The following CAMK4 variants were observed in gnomAD, a reference collection of about 807,000 sequenced individuals.
The protein encoded by CAMK4 is calcium/calmodulin-dependent protein kinase type IV.
In CAMK4, 22 loss-of-function variants were observed where a neutral mutation model predicts 44.9. The ratio of observed to expected loss-of-function variants is 0.49; its 90% CI spans 0.35 to 0.70. The LOEUF is 0.70. CAMK4 is among the 30% of genes least tolerant of loss of function. The pLI is 0.01. For missense variants in CAMK4, 498 were observed against 586.8 expected (o/e 0.85, Z 1.56); for synonymous variants, 218 against 215.4 (o/e 1.01, Z -0.11).
intron 1 of CAMK4, among the ~76,000 whole-genome samples, chr5:111,326,984 T>C (rs1221347841): frequency 6.6e-6 from 1 of 151,942 alleles, no homozygotes; most frequent in Non-Finnish European, 1.5e-5. Flanking sequence ...AGCTGAGTGC[T>C]TTCTAAGAAA....
In CAMK4 at chr5:111,461,327, C is replaced by A. The variant is rs115337843; in HGVS notation, c.626-11984C>A. 2.4e-3 allele frequency among the ~76,000 whole-genome samples: 364 copies of A among 152,300 alleles called. 1 individual carries two copies. The highest frequency in any genetic ancestry group is 5.4e-3 in the African/African-American group (223 of 41,558). ...GGCAGCTTCTAGCCAGAGGCAACCC[C>A]CTCTGGAAGTCTCAGGTGTGATTCA... On this transcript the variant is annotated intron_variant, in intron 7 of 10. Coordinates refer to ENST00000282356, the MANE Select transcript of CAMK4 (RefSeq NM_001744.6).
intron 5 of CAMK4, among the ~76,000 whole-genome samples, chr5:111,409,196 A>G (rs1441871223): frequency 6.6e-6 from 1 of 152,200 alleles, no homozygotes; most frequent in Non-Finnish European, 1.5e-5. Context: ...CGTTCCCTGC[A>G]GCATACTTCT....
chr5:111,401,297 C>T (rs1453302742), intron 5 of CAMK4, among the ~76,000 whole-genome samples: 1 of 152,174 alleles, frequency 6.6e-6, no homozygotes, highest in African/African-American at 2.4e-5. Context: ...CGACACCATG[C>T]CTGGCTAATT....
At chr5:111,266,114 C>A (rs189209009) in intron 1 of CAMK4, 1 of 151,818 alleles carries the variant, frequency 6.6e-6, no homozygotes, top group East Asian at 1.9e-4. Flanking sequence ...AATTAGCAAT[C>A]TTTTCTGAGA....
chr5:111,406,900 C>T (rs1023097477), intron 5 of CAMK4, among the ~76,000 whole-genome samples: 1 of 152,202 alleles, frequency 6.6e-6, no homozygotes, highest in East Asian at 1.9e-4. Flanking sequence ...CCTGCCTCTT[C>T]TTTGATATCC....
intron 2 of CAMK4, among the ~76,000 whole-genome samples, chr5:111,354,246 C>G (rs975815398): frequency 8.6e-5 from 13 of 151,896 alleles, no homozygotes; most frequent in African/African-American, 3.1e-4. Context: ...AAAAGTTGAA[C>G]TCAGAGAGAG....
intron 1 of CAMK4, among the ~76,000 whole-genome samples, chr5:111,258,022 A>AG (rs1268434896): frequency 3.9e-5 from 6 of 152,084 alleles, no homozygotes; most frequent in Non-Finnish European, 5.9e-5. Flanking sequence ...GTGTCGGGGG[A>AG]GGGAGAGTAT....
chr5:111,405,294 C>G (rs1391410312), intron 5 of CAMK4, among the ~76,000 whole-genome samples: 1 of 152,054 alleles, frequency 6.6e-6, no homozygotes, highest in African/African-American at 2.4e-5. Flanking sequence ...GTGGTGAAAC[C>G]CCATCTCTAC....
chr5:111,424,106 A>ACTACTATGCCCTG (rs1209205975), intron 5 of CAMK4, among the ~76,000 whole-genome samples: 32 of 152,216 alleles, frequency 2.1e-4, no homozygotes, highest in Non-Finnish European at 4.1e-4. Context: ...CCTGCTATAG[A>ACTACTATGCCCTG]CTATATTGGG....
At chr5:111,335,054 G>T (rs117206372) in intron 1 of CAMK4, among the ~76,000 whole-genome samples, 1 of 151,390 alleles carries the variant, frequency 6.6e-6, no homozygotes, top group Admixed American at 6.6e-5. Flanking sequence ...CAGCTGGAGC[G>T]GAGAAACATG....
intron 7 of CAMK4, among the ~76,000 whole-genome samples, chr5:111,451,893 G>C (rs1020434579): frequency 3.9e-5 from 6 of 152,064 alleles, no homozygotes; most frequent in African/African-American, 1.4e-4. Flanking sequence ...AAGGAAACCT[G>C]GTCTCAGGGA....
In CAMK4 at chr5:111,490,029, T is replaced by C. The variant is rs1007768396; in HGVS notation, c.*5563T>C. On this transcript the variant is annotated 3_prime_UTR_variant, in exon 11 of 11. Transcript: ENST00000282356. ...AGTTGTTTTCAGCTCATTTTGAAGA[T>C]TGACCTGGAAAACATATAGATACAG... 6.6e-6 allele frequency: 1 copy of C among 152,238 alleles called. No homozygotes were observed. Among genetic ancestry groups the C allele is most frequent in the Non-Finnish European group, 1.5e-5 (1 of 68,030 alleles). The allele number at this position is 152,238 out of a possible 1,614,324, so 9.4% of individuals were successfully genotyped here.
At chr5:111,349,608 A>G (rs924480021) in intron 2 of CAMK4, among the ~76,000 whole-genome samples, 2 of 152,042 alleles carry the variant, frequency 1.3e-5, no homozygotes, top group Admixed American at 1.3e-4. Flanking sequence ...CTGCTGAGTT[A>G]AATAGAATGC....
chr5:111,443,651 AC>A (rs1753926694), intron 5 of CAMK4, among the ~76,000 whole-genome samples: 1 of 151,968 alleles, frequency 6.6e-6, no homozygotes, highest in Non-Finnish European at 1.5e-5. Flanking sequence ...GAACGCAACC[AC>A]CTTTTCGTTT....
chr5:111,371,704 T>C (rs1253054405), intron 2 of CAMK4, among the ~76,000 whole-genome samples: 1 of 152,230 alleles, frequency 6.6e-6, no homozygotes, highest in Non-Finnish European at 1.5e-5. Context: ...CTATTTAATA[T>C]TCTCCGATTT....
chr5:111,465,829 A>T (rs1037599627), intron 7 of CAMK4, among the ~76,000 whole-genome samples: 1 of 152,232 alleles, frequency 6.6e-6, no homozygotes, highest in Non-Finnish European at 1.5e-5. Context: ...ATAAAGAGGG[A>T]ATCCTCCCTA....
At chr5:111,294,510 T>C (rs1000489637) in intron 1 of CAMK4, among the ~76,000 whole-genome samples, 2 of 152,174 alleles carry the variant, frequency 1.3e-5, no homozygotes, top group East Asian at 3.9e-4. Flanking sequence ...CCACAAATAT[T>C]CTCTTAAATT....
chr5:111,260,711 T>C (rs1313752717), intron 1 of CAMK4, among the ~76,000 whole-genome samples: 2 of 152,184 alleles, frequency 1.3e-5, no homozygotes, highest in Non-Finnish European at 2.9e-5. Flanking sequence ...GTTCGTTCCT[T>C]ATCTTCCAGT....
chr5:111,412,142 A>C (rs894973872), intron 5 of CAMK4, among the ~76,000 whole-genome samples: 6 of 152,186 alleles, frequency 3.9e-5, no homozygotes, highest in African/African-American at 1.4e-4. Context: ...GTAGGTAATT[A>C]TTTATTCAGA....
Sources: allele counts gnomAD v4.1 joint callset (sites outside exome capture counted in the v4.1 genomes callset), GRCh38; gene constraint gnomAD v4.1.1; transcripts MANE v1.5; gene names NCBI Gene and HGNC (gene_info 2026-07-23, HGNC 2026-07-21).